Variants in SV2C observed in about 807,000 individuals in gnomAD.
The protein encoded by SV2C is synaptic vesicle glycoprotein 2C.
Under a neutral mutation model 79.7 loss-of-function variants are expected in SV2C, and 49 were observed. The ratio of observed to expected loss-of-function variants is 0.61; its 90% CI spans 0.49 to 0.78. SV2C has a LOEUF of 0.78. Ranked by LOEUF, SV2C falls within the 30% of genes least tolerant of loss-of-function variation. SV2C has a pLI of 0.00. For missense variants in SV2C, 833 were observed against 912.9 expected (o/e 0.91, Z 1.13); for synonymous variants, 334 against 333.2 (o/e 1.00, Z -0.03).
chr5:76,182,453 TG>T, intron 2 of SV2C, among the ~76,000 whole-genome samples: 1 of 152,358 alleles, frequency 6.6e-6, no homozygotes, highest in African/African-American at 2.4e-5. Flanking sequence ...CTCTTTTTCT[TG>T]CCTTAGACCA....
At chr5:75,953,446 T>C in the SV2C span, among the ~76,000 whole-genome samples, 2 of 152,040 alleles carry the variant, frequency 1.3e-5, no homozygotes, top group Non-Finnish European at 2.9e-5. Context: ...CCTGTTTCTT[T>C]CATGGATTCA....
At chr5:76,264,885 G>A (rs1746600133) in intron 4 of SV2C, among the ~76,000 whole-genome samples, 1 of 152,194 alleles carries the variant, frequency 6.6e-6, no homozygotes, top group Non-Finnish European at 1.5e-5. Context: ...CCTGTTCGGA[G>A]GTCTCTCCCA....
intron 1 of SV2C, among the ~76,000 whole-genome samples, chr5:76,088,756 A>G (rs188060152): frequency 1.4e-4 from 22 of 152,280 alleles, no homozygotes; most frequent in Non-Finnish European, 8.8e-5. Flanking sequence ...AAATCTAGCA[A>G]TTCTGTTTAT....
At chr5:75,911,643 G>A in the SV2C span, 9 of 698,186 alleles carry the variant, frequency 1.3e-5, no homozygotes, top group East Asian at 2.3e-4. Context: ...TCCACAATCA[G>A]AACCCCGAAG....
At chr5:76,137,437 A>G (rs758517200) in intron 2 of SV2C, among the ~76,000 whole-genome samples, 3 of 152,212 alleles carry the variant, frequency 2.0e-5, no homozygotes, top group Non-Finnish European at 4.4e-5. Flanking sequence ...CAGGGAAGGC[A>G]GAGCAGATGG....
At chr5:76,133,859 G>A (rs1162582247) in intron 2 of SV2C, among the ~76,000 whole-genome samples, 1 of 152,070 alleles carries the variant, frequency 6.6e-6, no homozygotes, top group East Asian at 1.9e-4. Context: ...TTCAGATTTT[G>A]CTAAAGGAAT....
chr5:76,204,278 G>T (rs1412911058), intron 3 of SV2C, among the ~76,000 whole-genome samples: 1 of 152,166 alleles, frequency 6.6e-6, no homozygotes, highest in Non-Finnish European at 1.5e-5. Flanking sequence ...AGAATTAAAA[G>T]AATATTTTTC....
the SV2C span, among the ~76,000 whole-genome samples, chr5:75,999,287 TATATACAGTATAG>T: frequency 1.3e-5 from 2 of 151,064 alleles, no homozygotes; most frequent in East Asian, 3.9e-4. Flanking sequence ...TATGTACATA[TATATACAGTATAG>T]ATATACAGTA....
intron 4 of SV2C, among the ~76,000 whole-genome samples, chr5:76,274,655 ACTT>A (rs1746967898): frequency 6.9e-6 from 1 of 145,200 alleles, no homozygotes; most frequent in Non-Finnish European, 1.5e-5. Context: ...TCCACCTACT[ACTT>A]GGCCTTTTTT....
the SV2C span, among the ~76,000 whole-genome samples, chr5:75,954,374 T>TTCTTATTA: frequency 2.0e-5 from 3 of 151,896 alleles, no homozygotes; most frequent in Admixed American, 2.0e-4. Flanking sequence ...TCATAGATAG[T>TTCTTATTA]TCTTATTATT....
At chr5:75,891,163 A>G in the SV2C span, among the ~76,000 whole-genome samples, 75 of 152,212 alleles carry the variant, frequency 4.9e-4, no homozygotes, top group Middle Eastern at 3.4e-3. Flanking sequence ...AGCAGTCAGT[A>G]TTGGTTGGGA....
intron 1 of SV2C, among the ~76,000 whole-genome samples, chr5:76,101,141 G>A (rs1747729338): frequency 6.6e-6 from 1 of 152,112 alleles, no homozygotes; most frequent in South Asian, 2.1e-4. Context: ...GGGTGATTTG[G>A]GGAGTGGCGA....
chr5:76,084,530 G>C (rs1333100605), intron 1 of SV2C, among the ~76,000 whole-genome samples: 2 of 150,678 alleles, frequency 1.3e-5, no homozygotes, highest in Admixed American at 1.3e-4. Flanking sequence ...ATGAACAATC[G>C]GGAGCAGATC....
intron 4 of SV2C, among the ~76,000 whole-genome samples, chr5:76,244,383 G>T (rs1745884497): frequency 6.6e-6 from 1 of 152,114 alleles, no homozygotes; most frequent in African/African-American, 2.4e-5. Context: ...AAAGAGTTTT[G>T]GTCTTGCCCA....
At chr5:75,999,298 T>G in the SV2C span, among the ~76,000 whole-genome samples, 1 of 143,502 alleles carries the variant, frequency 7.0e-6, no homozygotes, top group Non-Finnish European at 1.5e-5. Flanking sequence ...ATATACAGTA[T>G]AGATATACAG....
chr5:76,112,041 T>C (rs1047663184), intron 1 of SV2C, among the ~76,000 whole-genome samples: 26 of 152,254 alleles, frequency 1.7e-4, no homozygotes, highest in Non-Finnish European at 2.8e-4. Context: ...ACTTAGTGTT[T>C]TATTCAGTCA....
intron 4 of SV2C, among the ~76,000 whole-genome samples, chr5:76,255,490 A>G (rs55973414): frequency 0.45 from 68,368 of 151,922 alleles, 15,682 homozygotes; most frequent in Middle Eastern, 0.55. Flanking sequence ...TTTTCTCACT[A>G]GTCCTTCAGG....
At chr5:76,057,717 G>C in the SV2C span, among the ~76,000 whole-genome samples, 1 of 151,924 alleles carries the variant, frequency 6.6e-6, no homozygotes, top group African/African-American at 2.4e-5. Flanking sequence ...GAGTATTATA[G>C]ATTACATAGT....
At chr5:75,865,388 T>C in the SV2C span, among the ~76,000 whole-genome samples, 1 of 152,128 alleles carries the variant, frequency 6.6e-6, no homozygotes, top group African/African-American at 2.4e-5. Flanking sequence ...AAGGGTCCCA[T>C]GTGACCAGCA....
Sources: gnomAD v4.1 joint callset for allele counts (sites outside exome capture counted in the v4.1 genomes callset) on GRCh38, gnomAD v4.1.1 for gene constraint, MANE v1.5 for transcripts, NCBI Gene and HGNC (gene_info 2026-07-23, HGNC 2026-07-21) for gene names.